MGAT4C: variants seen among roughly 807,000 people sequenced by gnomAD.
MGAT4C encodes alpha-1,3-mannosyl-glycoprotein 4-beta-N-acetylglucosaminyltransferase C.
In MGAT4C, 19 loss-of-function variants were observed where a neutral mutation model predicts 40.1. That is an observed-to-expected ratio of 0.47 (90% CI 0.33 to 0.70). MGAT4C has a LOEUF of 0.70. Ranked by LOEUF, MGAT4C falls within the 30% of genes least tolerant of loss-of-function variation. The pLI is 0.02. For synonymous variants in MGAT4C, 181 were observed against 187.1 expected, an observed-to-expected ratio of 0.97 and a Z score of 0.27; for missense variants, 491 against 563.2, an observed-to-expected ratio of 0.87 and a Z score of 1.30.
intron 1 of MGAT4C, among the ~76,000 whole-genome samples, chr12:86,747,835 C>G (rs1328208158): frequency 6.6e-6 from 1 of 151,034 alleles, no homozygotes; most frequent in Non-Finnish European, 1.5e-5. Flanking sequence ...AGACGATAGA[C>G]CTGAGTTGTG....
chr12:86,195,364 T>C (rs1030470594), intron 1 of MGAT4C, among the ~76,000 whole-genome samples: 3 of 152,176 alleles, frequency 2.0e-5, no homozygotes, highest in Admixed American at 6.5e-5. Context: ...GTCTTTCTTA[T>C]TGGATTATAG....
At chr12:86,482,285 T>C (rs528796835) in intron 2 of MGAT4C, among the ~76,000 whole-genome samples, 2 of 152,116 alleles carry the variant, frequency 1.3e-5, no homozygotes, top group African/African-American at 4.8e-5. Context: ...TGTGTAAATA[T>C]GCTTGAGCAA....
At chr12:86,279,241 C>T (rs1953155607) in intron 4 of MGAT4C, among the ~76,000 whole-genome samples, 2 of 152,084 alleles carry the variant, frequency 1.3e-5, no homozygotes, top group African/African-American at 4.8e-5. Flanking sequence ...GATATTAGGT[C>T]TTCTTCAAAT....
intron 2 of MGAT4C, among the ~76,000 whole-genome samples, chr12:86,532,663 A>G (rs966316047): frequency 6.6e-6 from 1 of 152,074 alleles, no homozygotes; most frequent in Non-Finnish European, 1.5e-5. Context: ...GGATTTAGAA[A>G]CAACCTATTA....
chr12:86,096,224 T>C (rs1873885915), intron 1 of MGAT4C, among the ~76,000 whole-genome samples: 2 of 151,806 alleles, frequency 1.3e-5, no homozygotes, highest in Non-Finnish European at 1.5e-5. Flanking sequence ...TCAGTAGTCT[T>C]ACTAGAACTG....
intron 2 of MGAT4C, among the ~76,000 whole-genome samples, chr12:86,702,961 T>G (rs1950389602): frequency 6.6e-6 from 1 of 152,200 alleles, no homozygotes; most frequent in Non-Finnish European, 1.5e-5. Context: ...TTATGATTTG[T>G]GAATGGAGGT....
chr12:86,203,000 T>C (rs777204606), intron 1 of MGAT4C, among the ~76,000 whole-genome samples: 102 of 144,956 alleles, frequency 7.0e-4, no homozygotes, highest in Non-Finnish European at 1.3e-3. Context: ...CTGCTAAGTA[T>C]ATGTCACATT....
chr12:86,481,201 T>A (rs574641691), intron 2 of MGAT4C, among the ~76,000 whole-genome samples: 1 of 152,218 alleles, frequency 6.6e-6, no homozygotes, highest in East Asian at 1.9e-4. Flanking sequence ...ATTTTCTTTT[T>A]AAAATTTTCT....
chr12:86,623,517 A>G (rs1330906176), intron 2 of MGAT4C, among the ~76,000 whole-genome samples: 1 of 152,212 alleles, frequency 6.6e-6, no homozygotes, highest in Non-Finnish European at 1.5e-5. Flanking sequence ...CAAGTTGAAA[A>G]GACAATGGGC....
At chr12:86,367,676 G>C (rs552939789) in intron 3 of MGAT4C, among the ~76,000 whole-genome samples, 1 of 152,264 alleles carries the variant, frequency 6.6e-6, no homozygotes, top group African/African-American at 2.4e-5. Flanking sequence ...GCAGGTGCCT[G>C]TAGTCCCAGC....
intron 2 of MGAT4C, among the ~76,000 whole-genome samples, chr12:86,700,701 G>A (rs1039344283): frequency 6.6e-6 from 1 of 152,086 alleles, no homozygotes; most frequent in Non-Finnish European, 1.5e-5. Context: ...CCTGTGGAAT[G>A]CCTCAATAAT....
chr12:86,700,741 T>C (rs1015254265), intron 2 of MGAT4C, among the ~76,000 whole-genome samples: 1 of 152,168 alleles, frequency 6.6e-6, no homozygotes, highest in African/African-American at 2.4e-5. Flanking sequence ...TTATTCTAAG[T>C]ATTGATTCTT....
In MGAT4C at chr12:86,510,364, C is replaced by G. The variant is rs184758097; in HGVS notation, c.-228-75099G>C. 4.3e-4 allele frequency among the ~76,000 whole-genome samples: 65 copies of G among 152,156 alleles called. No individual in the cohort carries two copies. The East Asian group carries it at 0.012, about 27-fold the overall frequency. ...AGCACTAAACATGGAAAGGAAAAAC[C>G]GGTACTAGCCACTGCAAAAAAATGC... is the stretch of plus-strand genomic sequence containing the variant. On this transcript the variant is annotated intron_variant, in intron 2 of 7. Coordinates refer to the MGAT4C transcript ENST00000548651.
chr12:86,261,956 T>C (rs762203314), intron 4 of MGAT4C, among the ~76,000 whole-genome samples: 21 of 152,106 alleles, frequency 1.4e-4, no homozygotes, highest in Non-Finnish European at 2.8e-4. Flanking sequence ...TGCAATTTTT[T>C]GAATTTTTGC....
chr12:86,101,481 T>G lies in MGAT4C; in HGVS notation c.-56-51758A>C, dbSNP rs139712768. Among the ~76,000 whole-genome samples the G allele has an allele frequency of 5.9e-5, 9 of 151,894 alleles. No individual in the cohort carries two copies. The East Asian group carries it at 1.7e-3, about 29-fold the overall frequency. ...GGGAGTTGAGATAGTAAAGTAAAGA[T>G]AAAATAATTCAAGAGATTAAAAAAG... On this transcript the variant is annotated intron_variant, in intron 1 of 4. Coordinates refer to ENST00000611864, the MANE Select transcript of MGAT4C (RefSeq NM_001351288.2).
chr12:86,629,396 A>G (rs1962945779), intron 2 of MGAT4C, among the ~76,000 whole-genome samples: 1 of 152,208 alleles, frequency 6.6e-6, no homozygotes, highest in South Asian at 2.1e-4. Flanking sequence ...GTCTGCAACA[A>G]GCAGACCTAA....
intron 2 of MGAT4C, among the ~76,000 whole-genome samples, chr12:86,566,668 T>C (rs1239332123): frequency 6.9e-6 from 1 of 145,466 alleles, no homozygotes; most frequent in Non-Finnish European, 1.5e-5. Flanking sequence ...TGTATATGTA[T>C]GTATAATACA....
intron 4 of MGAT4C, among the ~76,000 whole-genome samples, chr12:86,297,996 AATTG>A (rs1372264267): frequency 6.6e-6 from 1 of 152,204 alleles, no homozygotes; most frequent in Non-Finnish European, 1.5e-5. Flanking sequence ...ATGTGGATGT[AATTG>A]ATAGGTTGTT....
chr12:86,181,665 G>A (rs1888138400), intron 1 of MGAT4C, among the ~76,000 whole-genome samples: 1 of 152,066 alleles, frequency 6.6e-6, no homozygotes, highest in Non-Finnish European at 1.5e-5. Flanking sequence ...CTTTTAGTAT[G>A]AATATCAGAG....
Sources: allele counts gnomAD v4.1 joint callset (sites outside exome capture counted in the v4.1 genomes callset), GRCh38; gene constraint gnomAD v4.1.1; transcripts MANE v1.5; gene names NCBI Gene and HGNC (gene_info 2026-07-23, HGNC 2026-07-21).